The following SETDB2 variants were observed in gnomAD, a reference collection of about 807,000 sequenced individuals.
SETDB2 encodes histone-lysine N-methyltransferase SETDB2.
Under a neutral mutation model 82.5 loss-of-function variants are expected in SETDB2, and 56 were observed. The ratio of observed to expected loss-of-function variants is 0.68; its 90% confidence interval spans 0.55 to 0.85. The LOEUF (loss-of-function observed/expected upper bound fraction) is 0.85, where lower values mean the gene tolerates loss of function less well. Ranked by LOEUF, SETDB2 falls within the 40% of genes least tolerant of loss-of-function variation. The pLI, the probability that SETDB2 is intolerant of heterozygous loss-of-function variation, is 0.00. For synonymous variants in SETDB2, 272 were observed against 284.9 expected (o/e 0.95, Z 0.46); for missense variants, 677 against 816.4 (o/e 0.83, Z 2.08).
At chr13:49,481,660 C>T (rs1046777526) in intron 8 of SETDB2, among the ~76,000 whole-genome samples, 1 of 152,214 alleles carries the variant, frequency 6.6e-6, no homozygotes, top group Non-Finnish European at 1.5e-5. Context: ...TACAGTCATG[C>T]AATTACTGAT....
At chr13:49,456,409 C>T (rs954459222) in intron 2 of SETDB2, among the ~76,000 whole-genome samples, 7 of 152,116 alleles carry the variant, frequency 4.6e-5, no homozygotes, top group Non-Finnish European at 8.8e-5. Context: ...AAGGCTGCTA[C>T]ACTTCTTGCC....
chr13:49,491,775 G>A lies in SETDB2; in HGVS notation c.2050G>A (p.Glu684Lys), dbSNP rs774952492. ...AGAGCTAACATGGGATTATGGCTATGAAGCTGGGACTGTGCCTGAGAAGGA... is the reference window on the plus strand; with the variant it reads ...AGAGCTAACATGGGATTATGGCTATAAAGCTGGGACTGTGCCTGAGAAGGA... The part of the protein sequence containing the change: ...RTELTWDYGY[E>K]AGTVPEKEIF... Residue 684 changes from glutamate to lysine, a missense_variant, in exon 14 of 14, where the codon GAA becomes AAA. By Grantham distance (56) the Glu-to-Lys change is moderately conservative. Coordinates refer to ENST00000611815, the MANE Select transcript of SETDB2 (RefSeq NM_001160308.3). 9 of 1,613,216 alleles carry A rather than the reference G, an allele frequency of 5.6e-6. No individual in the cohort carries two copies. Among genetic ancestry groups the A allele is most frequent in the Non-Finnish European group, 7.6e-6 (9 of 1,179,820 alleles).
chr13:49,461,162 G>T lies in SETDB2; in HGVS notation c.208G>T (p.Asp70Tyr). Residue 70 changes from aspartate (D) to tyrosine (Y), a missense_variant and splice_region_variant, in exon 4 of 14, where the codon GAT (aspartate) becomes TAT (tyrosine). Physicochemically the swap from Asp to Tyr is radical, Grantham distance 160. Around this residue, in one of 3 missense-constraint regions of SETDB2, gnomAD observed 243 missense variants for 237.2 expected, o/e 1.02. Coordinates refer to ENST00000611815, the MANE Select transcript of SETDB2 (RefSeq NM_001160308.3). ...TIINSSTSIK[D>Y]PMPVTQKEQE... ...AATTAACAGTTCAACATCAATAAAG[G>T]GTATGTACATCTCTATTCCCATTGT... 1.9e-6 allele frequency: 3 copies of T among 1,592,938 alleles called. No homozygotes were observed. Among genetic ancestry groups the T allele is most frequent in the South Asian group, 1.1e-5 (1 of 90,222 alleles).
At chr13:49,469,647 G>A (rs1958187291) in intron 5 of SETDB2, among the ~76,000 whole-genome samples, 1 of 152,122 alleles carries the variant, frequency 6.6e-6, no homozygotes, top group African/African-American at 2.4e-5. Flanking sequence ...GCTAGAACTT[G>A]AGGATAAGTG....
intron 10 of SETDB2, among the ~76,000 whole-genome samples, chr13:49,484,481 G>C (rs952553211): frequency 3.3e-5 from 5 of 152,114 alleles, no homozygotes; most frequent in Admixed American, 6.5e-5. Context: ...ATGTTGGCCA[G>C]CTGGTCTCAA....
At chr13:49,446,374 C>G (rs1389761810) in intron 1 of SETDB2, 11 of 455,930 alleles carry the variant, frequency 2.4e-5, no homozygotes, top group African/African-American at 4.0e-5. Flanking sequence ...TAAAAATTCT[C>G]CGTTCTTTGA....
chr13:49,461,568 T>G (rs1957993325), intron 4 of SETDB2, among the ~76,000 whole-genome samples: 1 of 152,248 alleles, frequency 6.6e-6, no homozygotes, highest in African/African-American at 2.4e-5. Flanking sequence ...ACCATCAGTC[T>G]TCCAAGCTCT....
intron 4 of SETDB2, among the ~76,000 whole-genome samples, chr13:49,464,317 A>G (rs1958058273): frequency 6.6e-6 from 1 of 152,204 alleles, no homozygotes; most frequent in Non-Finnish European, 1.5e-5. Flanking sequence ...TTAGACAGAT[A>G]AGGGAACTCC....
Position 49,492,088 on chromosome 13 carries a change from G to A in SETDB2, c.*239G>A, listed in dbSNP as rs565005012. On this transcript the variant is annotated 3_prime_UTR_variant, in exon 14 of 14. Coordinates refer to ENST00000611815, the MANE Select transcript of SETDB2 (RefSeq NM_001160308.3). ...TACTTTACATGAGTAGGATGGAAGT[G>A]TATATTTTATATGAAATACCACTGT... The A allele has an allele frequency of 7.3e-6, 3 of 413,530 alleles. No individual in the cohort carries two copies. Among genetic ancestry groups the A allele is most frequent in the African/African-American group, 4.0e-5 (2 of 49,430 alleles). 25.6% of individuals were successfully genotyped at this position (413,530 alleles called of 1,614,324 possible). A position where few individuals can be genotyped will look rare whatever the true frequency, so the allele number is the denominator to read the frequency against.
intron 4 of SETDB2, among the ~76,000 whole-genome samples, chr13:49,465,949 G>T (rs1958103783): frequency 6.6e-6 from 1 of 152,078 alleles, no homozygotes; most frequent in South Asian, 2.1e-4. Context: ...GGAGAAATGA[G>T]GATTATTTAT....
chr13:49,458,039 ATC>A (rs1360616631), intron 2 of SETDB2, among the ~76,000 whole-genome samples: 7 of 152,246 alleles, frequency 4.6e-5, no homozygotes, highest in African/African-American at 9.6e-5. Flanking sequence ...TTTGTTGATT[ATC>A]AGTGAAAAAC....
At chr13:49,455,205 A>G (rs552010526) in intron 2 of SETDB2, among the ~76,000 whole-genome samples, 7 of 152,292 alleles carry the variant, frequency 4.6e-5, no homozygotes, top group Non-Finnish European at 8.8e-5. Context: ...ACTGAATAAA[A>G]GACAAGCTTC....
At chr13:49,471,621 A>G (rs1007867897) in intron 5 of SETDB2, among the ~76,000 whole-genome samples, 31 of 151,908 alleles carry the variant, frequency 2.0e-4, no homozygotes, top group African/African-American at 7.5e-4. Flanking sequence ...GGCTTTTTAC[A>G]TGACATGCAC....
chr13:49,446,178 C>G (rs1957681898), intron 1 of SETDB2, among the ~76,000 whole-genome samples: 4 of 152,016 alleles, frequency 2.6e-5, no homozygotes, highest in Admixed American at 2.6e-4. Context: ...CCTTTTTGAA[C>G]ATTTATATAT....
chr13:49,451,968 A>G (rs1252771047), intron 2 of SETDB2, 59 bp downstream of exon 2: 3 of 1,213,226 alleles, frequency 2.5e-6, no homozygotes, highest in Admixed American at 2.3e-5. Flanking sequence ...TATATAGACA[A>G]TGTAAGCTGA....
rs1292201874 is a variant in SETDB2, at chr13:49,467,891, A to G, written c.236A>G (p.Gln79Arg). ...KDPMPVTQKEQENKSNAFPST... is the reference protein window; with the variant it reads ...KDPMPVTQKERENKSNAFPST... ...CCTATGCCTGTGACTCAGAAGGAAC[A>G]GGAAAACAAATCCAATGCATTTCCC... is the stretch of plus-strand genomic sequence containing the variant. Residue 79 changes from glutamine to arginine, a missense_variant, in exon 5 of 14, where the codon CAG (glutamine) becomes CGG (arginine). Physicochemically the swap from Gln to Arg is conservative, Grantham distance 43. Coordinates refer to ENST00000611815, the MANE Select transcript of SETDB2 (RefSeq NM_001160308.3). 6.2e-7 allele frequency: 1 copy of G among 1,611,462 alleles called. No homozygotes were observed.
chr13:49,491,285 C>A (rs1245200517), intron 13 of SETDB2, among the ~76,000 whole-genome samples: 1 of 152,192 alleles, frequency 6.6e-6, no homozygotes, highest in African/African-American at 2.4e-5. Context: ...TTATCCTAAA[C>A]TGTTCCTATT....
intron 5 of SETDB2, 24 bp from the exon 6 acceptor site, chr13:49,476,452 C>A: frequency 1.4e-6 from 2 of 1,419,712 alleles, no homozygotes; most frequent in Non-Finnish European, 1.9e-6. Context: ...ATTTGAGATA[C>A]TAATGAATAA....
rs1039990800 is a variant in SETDB2, at chr13:49,444,333, G to A, written c.-866G>A. The stretch of plus-strand genomic sequence containing the variant: ...AGGGCGGGACTGTTGTGGTTGAGAT[G>A]AAGGCTAGTAAATGGTGAAGTACTT... On this transcript the variant is annotated 5_prime_UTR_variant, in exon 1 of 14. It removes an upstream start codon present in the reference 5' UTR. Coordinates refer to ENST00000611815, the MANE Select transcript of SETDB2 (RefSeq NM_001160308.3). 7.2e-6 allele frequency: 2 copies of A among 276,898 alleles called. No individual in the cohort carries two copies. The highest frequency in any genetic ancestry group is 1.4e-5 in the Non-Finnish European group (2 of 138,580). 17.2% of individuals were successfully genotyped at this position (276,898 alleles called of 1,614,324 possible).
Sources: allele counts gnomAD v4.1 joint callset (sites outside exome capture counted in the v4.1 genomes callset), GRCh38; gene constraint gnomAD v4.1.1; regional missense constraint gnomAD v4.1.1; transcripts MANE v1.5; gene names NCBI Gene and HGNC (gene_info 2026-07-23, HGNC 2026-07-21).